Variants in MAP4 observed in about 807,000 individuals in gnomAD.
The protein encoded by MAP4 is microtubule-associated protein 4.
Under a neutral mutation model 170.2 loss-of-function variants are expected in MAP4, and 76 were observed. The observed-to-expected ratio is 0.45, with a 90% CI of 0.37 to 0.54. MAP4 has a LOEUF of 0.54. Among genes scored for constraint, MAP4 ranks in the 20% least tolerant of loss-of-function variants. The pLI, the probability that MAP4 is intolerant of heterozygous loss-of-function variation, is 0.00. For synonymous variants in MAP4, 909 were observed against 994.5 expected, an observed-to-expected ratio of 0.91 and a Z score of 1.62; for missense variants, 2,506 against 2,748.0, an observed-to-expected ratio of 0.91 and a Z score of 1.97.
At chr3:48,025,948 T>C (rs1160846372) in intron 1 of MAP4, among the ~76,000 whole-genome samples, 1 of 142,716 alleles carries the variant, frequency 7.0e-6, no homozygotes, top group Non-Finnish European at 1.6e-5. Context: ...ACAATAATAA[T>C]AATATGCTGA....
chr3:47,908,950 T>C, intron 9 of MAP4, 88 bp downstream of exon 9: 2 of 1,355,858 alleles, frequency 1.5e-6, no homozygotes, highest in East Asian at 2.3e-5. Flanking sequence ...GATTAGAGTC[T>C]GGATGGAGCC....
intron 10 of MAP4, among the ~76,000 whole-genome samples, chr3:47,882,463 A>G (rs1230993281): frequency 1.3e-5 from 2 of 151,600 alleles, no homozygotes; most frequent in Non-Finnish European, 2.9e-5. Flanking sequence ...TTCAAATTAC[A>G]TCTCACCCAA....
intron 1 of MAP4, among the ~76,000 whole-genome samples, chr3:48,073,420 T>C (rs1190265228): frequency 1.3e-5 from 2 of 151,672 alleles, no homozygotes; most frequent in African/African-American, 4.8e-5. Context: ...GAGATCAGCC[T>C]GACCAAGATG....
chr3:47,903,938 TCA>T (rs1033583442), intron 9 of MAP4, among the ~76,000 whole-genome samples: 2 of 152,178 alleles, frequency 1.3e-5, no homozygotes, highest in Non-Finnish European at 2.9e-5. Context: ...AACCTCTAAT[TCA>T]CAGTTTATAT....
chr3:47,916,842 A>T lies in MAP4; in HGVS notation c.985T>A (p.Ser329Thr). The change falls in exon 7 of 21, where the codon TCT becomes ACT. Residue 329 changes from serine to threonine, a missense_variant. This residue lies in a region of MAP4 where 2,008 missense variants were observed against 2,206.0 expected (regional missense o/e 0.91). Transcript: ENST00000683076. ...DVRWPTETDVSSAKNVVLPTE... is the reference protein window; with the variant it reads ...DVRWPTETDVTSAKNVVLPTE... Reference sequence around the variant, plus strand: ...GGCAGTACCACATTCTTGGCTGAAGATACATCTGTTTCTGTGGGCCATCTG... The same window carrying T: ...GGCAGTACCACATTCTTGGCTGAAGTTACATCTGTTTCTGTGGGCCATCTG... The T allele has an allele frequency of 6.2e-6, 10 of 1,614,118 alleles. No homozygotes were observed. Among genetic ancestry groups the T allele is most frequent in the Non-Finnish European group, 8.5e-6 (10 of 1,180,018 alleles).
In MAP4 at chr3:47,946,654, CAAAAA is replaced by C. The variant is rs11427271; in HGVS notation, c.293-18309_293-18305del. On this transcript the variant is annotated intron_variant, in intron 3 of 20. Transcript: ENST00000683076. ...GGGTGACAAAGGTGAAACTCCGTCT[CAAAAA>C]AAAAAAAAAAAAAAAAAAAAGAAGC... 2.2e-4 allele frequency among the ~76,000 whole-genome samples: 9 copies of C among 40,812 alleles called. No individual in the cohort carries two copies. In the East Asian group the frequency reaches 5.3e-3, roughly 24 times the overall value. The allele number at this position is 40,812 out of a possible 152,430, so 26.8% of individuals were successfully genotyped here. A position where few individuals can be genotyped will look rare whatever the true frequency, so the allele number is the denominator to read the frequency against.
chr3:48,086,795 A>G (rs1485315947), intron 1 of MAP4, among the ~76,000 whole-genome samples: 3 of 152,246 alleles, frequency 2.0e-5, no homozygotes, highest in Non-Finnish European at 2.9e-5. Flanking sequence ...AATTGTGCAC[A>G]TGGCACTTAA....
chr3:48,056,716 C>T (rs1223544376), intron 1 of MAP4, among the ~76,000 whole-genome samples: 123 of 78,766 alleles, frequency 1.6e-3, no homozygotes, highest in African/African-American at 4.3e-3. Flanking sequence ...AGGTGAGGGG[C>T]GCCTCTGCCC....
intron 10 of MAP4, among the ~76,000 whole-genome samples, chr3:47,889,185 A>G (rs938794486): frequency 6.6e-6 from 1 of 152,268 alleles, no homozygotes; most frequent in African/African-American, 2.4e-5. Flanking sequence ...AGAGGTCCCA[A>G]GAGAGATATA....
At chr3:47,858,562 T>TC (rs2060207121) in intron 17 of MAP4, among the ~76,000 whole-genome samples, 1 of 151,328 alleles carries the variant, frequency 6.6e-6, no homozygotes, top group African/African-American at 2.4e-5. Context: ...CAATGCATTT[T>TC]CCCCTTGGGA....
At chr3:48,018,664 G>A (rs1036234532), upstream of MAP4, among the ~76,000 whole-genome samples, 7 of 151,974 alleles carry the variant, frequency 4.6e-5, no homozygotes, top group African/African-American at 1.2e-4. Flanking sequence ...TTAGCCGGGC[G>A]TGGTGGTGTG....
At chr3:48,086,820 A>C (rs1488067124) in intron 1 of MAP4, among the ~76,000 whole-genome samples, 1 of 152,178 alleles carries the variant, frequency 6.6e-6, no homozygotes, top group Non-Finnish European at 1.5e-5. Context: ...TCCAACATGC[A>C]TTAACTGGTA....
chr3:47,949,308 A>G (rs2100062131), intron 3 of MAP4, among the ~76,000 whole-genome samples: 1 of 151,948 alleles, frequency 6.6e-6, no homozygotes, highest in African/African-American at 2.4e-5. Flanking sequence ...TCTACTAAGA[A>G]TACAAAAACT....
chr3:48,000,712 T>A (rs895460701), intron 1 of MAP4, among the ~76,000 whole-genome samples: 1 of 152,164 alleles, frequency 6.6e-6, no homozygotes, highest in African/African-American at 2.4e-5. Context: ...TTTCTGTTGT[T>A]TACAATGGAA....
chr3:48,067,006 A>T (rs2100138657), intron 1 of MAP4, among the ~76,000 whole-genome samples: 1 of 151,610 alleles, frequency 6.6e-6, no homozygotes, highest in East Asian at 1.9e-4. Context: ...ACGCCCGGCT[A>T]ATTTTTTGTA....
chr3:47,967,709 C>T (rs1373656528), intron 3 of MAP4, among the ~76,000 whole-genome samples: 2 of 152,148 alleles, frequency 1.3e-5, no homozygotes, highest in Non-Finnish European at 2.9e-5. Flanking sequence ...CACCTGTAAT[C>T]CCAGTACTTT....
intron 3 of MAP4, among the ~76,000 whole-genome samples, chr3:47,937,032 T>C (rs900342327): frequency 1.3e-5 from 2 of 151,502 alleles, no homozygotes; most frequent in African/African-American, 4.8e-5. Context: ...AGACCCAGGT[T>C]CTAATCTTGA....
At chr3:48,049,852 T>C (rs13061904) in intron 1 of MAP4, among the ~76,000 whole-genome samples, 148,960 of 151,960 alleles carry the variant, frequency 0.98, 73,078 homozygotes, top group East Asian at 1. Context: ...GTAGTAGAAT[T>C]GCTTGAACCC....
chr3:47,998,659 A>C lies in MAP4; in HGVS notation c.202T>G (p.Ser68Ala), dbSNP rs777129391. ...TTACCTTCAATCTGGCTAGTTTCTG[A>C]GCACGGTTTCTTCTTTGACTCTGAG... ...GNSESKKKPC[S>A]ETSQIEDTPS... Residue 68 changes from serine to alanine, a missense_variant, in exon 2 of 21, where the codon TCA (serine) becomes GCA (alanine). Physicochemically the swap from Ser to Ala is moderately conservative, Grantham distance 99 (BLOSUM62 1). This residue lies in a region of MAP4 where 2,008 missense variants were observed against 2,206.0 expected (regional missense o/e 0.91). Coordinates refer to ENST00000683076, the MANE Select transcript of MAP4 (RefSeq NM_001385682.1). 2 of 1,614,020 alleles carry C rather than the reference A, an allele frequency of 1.2e-6. No homozygotes were observed. The highest frequency in any genetic ancestry group is 1.7e-6 in the Non-Finnish European group (2 of 1,179,910).
Sources: gnomAD v4.1 joint callset for allele counts (sites outside exome capture counted in the v4.1 genomes callset) on GRCh38, gnomAD v4.1.1 for gene constraint, gnomAD v4.1.1 regional missense constraint, MANE v1.5 for transcripts, NCBI Gene and HGNC (gene_info 2026-07-23, HGNC 2026-07-21) for gene names.